SCRIB: variants seen among roughly 807,000 people sequenced by gnomAD.
SCRIB encodes the protein protein scribble homolog.
In SCRIB, 72 loss-of-function variants were observed where a neutral mutation model predicts 170.0. The observed-to-expected ratio is 0.42, with a 90% CI of 0.35 to 0.52. The LOEUF (loss-of-function observed/expected upper bound fraction) is 0.52, where lower values mean the gene tolerates loss of function less well. Among genes scored for constraint, SCRIB ranks in the 20% least tolerant of loss-of-function variants. The pLI, the probability that SCRIB is intolerant of heterozygous loss-of-function variation, is 0.02. For synonymous variants in SCRIB, 1,298 were observed against 1,044.3 expected, an observed-to-expected ratio of 1.24 and a Z score of -4.68; for missense variants, 2,475 against 2,338.5, an observed-to-expected ratio of 1.06 and a Z score of -1.20.
chr8:143,802,113 C>T (rs1289105087), intron 24 of SCRIB, among the ~76,000 whole-genome samples: 1 of 152,250 alleles, frequency 6.6e-6, no homozygotes, highest in East Asian at 1.9e-4. Flanking sequence ...AAGGCCCTCT[C>T]TGAGAACCAG....
rs376717824 is a variant in SCRIB at position 143,791,754 on chromosome 8, C to T, written c.4696-14G>A. ...TCCAGACAAGGGCTTGAAAGGACAGCGTGAGGGGAGAGGCAGAGAGTGAGA... is the reference window on the plus strand; with the variant it reads ...TCCAGACAAGGGCTTGAAAGGACAGTGTGAGGGGAGAGGCAGAGAGTGAGA... On this transcript the variant is annotated splice_polypyrimidine_tract_variant and intron_variant, in intron 34 of 36. Coordinates refer to ENST00000356994, the MANE Select transcript of SCRIB (RefSeq NM_182706.5). The T allele has an allele frequency of 4.8e-5, 74 of 1,553,122 alleles. No individual in the cohort carries two copies. Among genetic ancestry groups the T allele is most frequent in the African/African-American group, 5.9e-5 (4 of 67,258 alleles).
intron 8 of SCRIB, 25 bp from the exon 9 acceptor site, chr8:143,812,409 A>C: frequency 1.3e-6 from 2 of 1,527,364 alleles, no homozygotes; most frequent in Non-Finnish European, 1.8e-6. Flanking sequence ...ACAGGGGGAC[A>C]AGGCTGAGCA....
At position 143,793,012 on chromosome 8, in the gene SCRIB, C is replaced by T; in HGVS notation, c.3981G>A (p.Val1327=). ...CATCCTCAGGCGGGTGAGAAGTGGG[C>T]ACGGCCGCGAAGGCCCTGTAGGCCT... ...VKQAYRAFAA[V]PTSHPPEDAP... The change falls in exon 29 of 37, where the codon GTG becomes GTA. Residue 1327 remains valine, a synonymous_variant. Coordinates refer to ENST00000356994, the MANE Select transcript of SCRIB (RefSeq NM_182706.5). The T allele has an allele frequency of 2.6e-6, 4 of 1,514,768 alleles. No individual in the cohort carries two copies. The South Asian group carries it at 5.1e-5, about 19-fold the overall frequency. The allele number at this position is 1,514,768 out of a possible 1,614,324, so 93.8% of individuals were successfully genotyped here.
intron 24 of SCRIB, among the ~76,000 whole-genome samples, chr8:143,797,854 C>A (rs886489725): frequency 6.6e-6 from 1 of 152,256 alleles, no homozygotes; most frequent in Non-Finnish European, 1.5e-5. Context: ...CGACGGAGCA[C>A]GTCCCCGGCG....
At chr8:143,791,767 G>T in intron 34 of SCRIB, 27 bp from the exon 35 acceptor site, 2 of 1,438,280 alleles carry the variant, frequency 1.4e-6, no homozygotes, top group Non-Finnish European at 9.6e-7. Flanking sequence ...GAGGGGAGAG[G>T]CAGAGAGTGA....
At chr8:143,814,314 G>A (rs1034271365) in intron 1 of SCRIB, among the ~76,000 whole-genome samples, 196 bp from the exon 2 acceptor site, 3 of 152,060 alleles carry the variant, frequency 2.0e-5, no homozygotes, top group African/African-American at 2.4e-5. Context: ...GCCCACTGTG[G>A]CTGCCTCCCT....
chr8:143,793,114 G>A, intron 28 of SCRIB, 31 bp from the exon 29 acceptor site: 5 of 1,291,356 alleles, frequency 3.9e-6, no homozygotes, highest in Non-Finnish European at 4.1e-6. Context: ...GAGCTATGCT[G>A]GGGCAGCTGT....
chr8:143,815,407 G>T lies in SCRIB; in HGVS notation c.-35C>A. 8.0e-7 allele frequency: 1 copy of T among 1,256,692 alleles called. No homozygotes were observed. The highest frequency in any genetic ancestry group is 3.0e-5 in the South Asian group (1 of 33,616). The allele number at this position is 1,256,692 out of a possible 1,614,324, so 77.8% of individuals were successfully genotyped here. On this transcript the variant is annotated 5_prime_UTR_variant, in exon 1 of 37. Transcript: ENST00000356994. ...GGGCGGCGCGGGCTCCGGCGGCGGC[G>T]CTCGGCGGGCTCGGGGCCGGGGGGC...
intron 9 of SCRIB, 92 bp downstream of exon 9, chr8:143,812,174 G>T: frequency 1.2e-6 from 1 of 869,118 alleles, no homozygotes; most frequent in Non-Finnish European, 2.0e-6. Context: ...GCTGCCACCA[G>T]CACCCCCCAG....
intron 24 of SCRIB, among the ~76,000 whole-genome samples, chr8:143,798,817 G>A (rs1554634513): frequency 6.6e-6 from 1 of 152,004 alleles, no homozygotes; most frequent in African/African-American, 2.4e-5. Flanking sequence ...CCTGGCCCAT[G>A]GTTATAGGAG....
At position 143,807,364 on chromosome 8, in the gene SCRIB, C is replaced by T. The variant is rs544642360; in HGVS notation, c.2178+188G>A. Reference sequence around the variant, plus strand: ...CTGATGGGAGCTGGACCAGCCTCTCCGCTCACCCCTGCCAAGACGGGCTGC... The same window carrying T: ...CTGATGGGAGCTGGACCAGCCTCTCTGCTCACCCCTGCCAAGACGGGCTGC... On this transcript the variant is annotated intron_variant, in intron 16 of 36. Transcript: ENST00000356994. Among the ~76,000 whole-genome samples the T allele has an allele frequency of 1.2e-4, 19 of 152,308 alleles. No individual in the cohort carries two copies. In the South Asian group the frequency reaches 1.4e-3, roughly 12 times the overall value.
intron 8 of SCRIB, 43 bp from the exon 9 acceptor site, chr8:143,812,427 C>A: frequency 2.8e-6 from 4 of 1,452,350 alleles, no homozygotes; most frequent in Non-Finnish European, 3.9e-6. Flanking sequence ...GCATGGTCCC[C>A]AGACGTGCCT....
intron 34 of SCRIB, 25 bp from the exon 35 acceptor site, chr8:143,791,765 A>G: frequency 1.4e-6 from 2 of 1,410,210 alleles, no homozygotes. Context: ...GTGAGGGGAG[A>G]GGCAGAGAGT....
In SCRIB at chr8:143,810,515, G is replaced by A. The variant is rs752880710; in HGVS notation, c.1494C>T (p.Cys498=). ...IEGRRSEACP[C]QPDSGSPLPA... is the part of the protein sequence containing the mutation. ...GCAAGGGCGACCCAGAGTCTGGCTG[G>A]CAAGGGCAGGCCTCGCTCCGCCGCC... The change falls in exon 13 of 37, where the codon TGC becomes TGT. Residue 498 remains cysteine, a synonymous_variant. Transcript: ENST00000356994. 58 of 1,612,050 alleles carry A rather than the reference G, an allele frequency of 3.6e-5. No individual in the cohort carries two copies. The South Asian group carries it at 5.9e-4, about 16-fold the overall frequency.
At chr8:143,795,152 CG>C in intron 26 of SCRIB, 40 bp from the exon 27 acceptor site, 1 of 1,603,512 alleles carries the variant, frequency 6.2e-7, no homozygotes, top group Non-Finnish European at 8.5e-7. Context: ...GGGGTAGCTC[CG>C]TGGCAGCACC....
At chr8:143,809,100 T>C in intron 14 of SCRIB, 75 bp from the exon 15 acceptor site, 4 of 1,515,144 alleles carry the variant, frequency 2.6e-6, no homozygotes, top group Non-Finnish European at 3.5e-6. Flanking sequence ...CTAAACAGTG[T>C]GGCCACAGAC....
Position 143,803,820 on chromosome 8 carries a change from G to T in SCRIB, c.3241C>A (p.Pro1081Thr). The change falls in exon 23 of 37, where the codon CCC becomes ACC. Residue 1081 changes from proline (P) to threonine (T), a missense_variant. Coordinates refer to ENST00000356994, the MANE Select transcript of SCRIB (RefSeq NM_182706.5). ...HQEAVSALLR[P>T]CLELSLLVRR... ...ACCAGCAGCGACAGCTCCAGGCAGG[G>T]CCGGAGCAGGGCACTGACTGCTTCT... is the stretch of plus-strand genomic sequence containing the variant. 6.2e-7 allele frequency: 1 copy of T among 1,604,062 alleles called. No homozygotes were observed. The highest frequency in any genetic ancestry group is 8.5e-7 in the Non-Finnish European group (1 of 1,178,948).
Position 143,814,077 on chromosome 8 carries a change from G to T in SCRIB, c.201C>A (p.Ser67Arg). 1 of 1,555,776 alleles carries T rather than the reference G, an allele frequency of 6.4e-7. No individual in the cohort carries two copies. Residue 67 changes from serine (S) to arginine (R), a missense_variant, in exon 2 of 37, where the codon AGC (serine) becomes AGA (arginine). Around this residue, in one of 3 missense-constraint regions of SCRIB, gnomAD observed 487 missense variants for 558.1 expected, o/e 0.87. Transcript: ENST00000356994. ...RLLNLRKLGL[S>R]DNEIQRLPPE... ...GAGGCAACCGCTGGATCTCGTTGTC[G>T]CTCAGGCCCAGCTTGCGCAAGTTCA... is the stretch of plus-strand genomic sequence containing the variant.
At chr8:143,798,171 G>A (rs1430068419) in intron 24 of SCRIB, among the ~76,000 whole-genome samples, 2 of 152,060 alleles carry the variant, frequency 1.3e-5, no homozygotes, top group Admixed American at 6.6e-5. Flanking sequence ...CAGGAGAATC[G>A]CTTGAACCCG....
Sources: gnomAD v4.1 joint callset for allele counts (sites outside exome capture counted in the v4.1 genomes callset) on GRCh38, gnomAD v4.1.1 for gene constraint, gnomAD v4.1.1 regional missense constraint, MANE v1.5 for transcripts, NCBI Gene and HGNC (gene_info 2026-07-23, HGNC 2026-07-21) for gene names.